The following MYOF variants were observed in gnomAD, a reference collection of about 807,000 sequenced individuals.
The protein encoded by MYOF is myoferlin.
MYOF carries 244 observed loss-of-function variants against 284.2 expected under a neutral mutation model. That is an observed-to-expected ratio of 0.86 (90% CI 0.77 to 0.95). The LOEUF is 0.95. Among genes scored for constraint, MYOF ranks in the 40% least tolerant of loss-of-function variants. MYOF has a pLI of 0.00. For synonymous variants in MYOF, 904 were observed against 919.7 expected, an observed-to-expected ratio of 0.98 and a Z score of 0.31; for missense variants, 2,496 against 2,560.6, an observed-to-expected ratio of 0.97 and a Z score of 0.54.
In MYOF at chr10:93,443,470, C is replaced by CTGTG. The variant is rs1468637478; in HGVS notation, c.236+8579_236+8580insCACA. 3.7e-3 allele frequency among the ~76,000 whole-genome samples: 436 copies of CTGTG among 117,890 alleles called. 5 individuals carry two copies. In the East Asian group the frequency reaches 0.075, roughly 20 times the overall value. The allele number at this position is 117,890 out of a possible 152,430, so 77.3% of individuals were successfully genotyped here. On this transcript the variant is annotated intron_variant, in intron 3 of 53. Transcript: ENST00000359263. ...CTTTCTTCTCTCTCTCTCTCTCTCT[C>CTGTG]TCTGTGTGTGTGTGTGTGTGTGTGT... is the stretch of plus-strand genomic sequence containing the variant.
intron 52 of MYOF, 85 bp from the exon 53 acceptor site, chr10:93,310,252 A>G (rs1289294657): frequency 6.7e-7 from 1 of 1,501,584 alleles, no homozygotes; most frequent in Non-Finnish European, 9.1e-7. Context: ...TTCAGGAATA[A>G]AGAATCACAT....
intron 19 of MYOF, among the ~76,000 whole-genome samples, chr10:93,382,407 A>G (rs1434420755): frequency 6.6e-6 from 1 of 152,180 alleles, no homozygotes; most frequent in Non-Finnish European, 1.5e-5. Context: ...TAAACTATTG[A>G]TTTTCTAATC....
At chr10:93,307,915 G>A (rs1199503612) in intron 53 of MYOF, among the ~76,000 whole-genome samples, 1 of 150,986 alleles carries the variant, frequency 6.6e-6, no homozygotes, top group African/African-American at 2.4e-5. Context: ...GTGAGCCACT[G>A]TACCCGGCTG....
At chr10:93,390,508 A>C (rs1337404730) in intron 17 of MYOF, among the ~76,000 whole-genome samples, 1 of 152,234 alleles carries the variant, frequency 6.6e-6, no homozygotes, top group Non-Finnish European at 1.5e-5. Flanking sequence ...AAACACAAAG[A>C]GGGACCAACA....
intron 22 of MYOF, among the ~76,000 whole-genome samples, chr10:93,375,960 C>T (rs1029857056): frequency 2.6e-5 from 4 of 152,170 alleles, no homozygotes; most frequent in Non-Finnish European, 2.9e-5. Context: ...ACCAGGTTCA[C>T]GAAGCTCTGA....
At chr10:93,461,026 C>G (rs573331721) in intron 1 of MYOF, among the ~76,000 whole-genome samples, 1 of 152,044 alleles carries the variant, frequency 6.6e-6, no homozygotes, top group Non-Finnish European at 1.5e-5. Context: ...ACCTGGGAGG[C>G]GGAAGTTGCA....
rs1842329797 is a variant in MYOF, at chr10:93,310,448, G to T, written c.5999+86C>A. 1.2e-5 allele frequency: 16 copies of T among 1,351,006 alleles called. 1 individual carries two copies. Among genetic ancestry groups the T allele is most frequent in the Non-Finnish European group, 1.7e-5 (16 of 958,314 alleles). The allele number at this position is 1,351,006 out of a possible 1,614,324, so 83.7% of individuals were successfully genotyped here. On this transcript the variant is annotated intron_variant, in intron 52 of 53. Coordinates refer to ENST00000359263, the MANE Select transcript of MYOF (RefSeq NM_013451.4). ...ATACCAGATTAGGAGGACCACAAAA[G>T]CTAATCCATCCCATTAAGCCAATGG...
At chr10:93,374,614 C>T in intron 23 of MYOF, 149 bp downstream of exon 23, 1 of 720,388 alleles carries the variant, frequency 1.4e-6, no homozygotes, top group East Asian at 2.8e-5. Context: ...ATCCTCAGCC[C>T]AGTTACTCCC....
intron 5 of MYOF, among the ~76,000 whole-genome samples, chr10:93,410,864 G>A (rs1301416671): frequency 6.6e-6 from 1 of 152,180 alleles, no homozygotes; most frequent in Non-Finnish European, 1.5e-5. Context: ...GTATGAATGA[G>A]TTTCATCAGA....
chr10:93,311,186 T>A (rs542033474), intron 51 of MYOF, among the ~76,000 whole-genome samples: 1 of 152,268 alleles, frequency 6.6e-6, no homozygotes, highest in Non-Finnish European at 1.5e-5. Context: ...CTGAGTGATG[T>A]TCCCAGCACC....
intron 31 of MYOF, 46 bp downstream of exon 31, chr10:93,355,582 A>AAAAAT (rs5787054): frequency 0.34 from 468,790 of 1,377,884 alleles, 89,877 homozygotes; most frequent in Non-Finnish European, 0.38. Flanking sequence ...TCAGTCTTGA[A>AAAAAT]AAAATAAAAT....
chr10:93,413,513 T>C (rs998131944), intron 5 of MYOF, among the ~76,000 whole-genome samples: 13 of 152,222 alleles, frequency 8.5e-5, no homozygotes, highest in Non-Finnish European at 1.6e-4. Context: ...CAGGCCCTGT[T>C]CGTGAGACCC....
At chr10:93,383,185 C>T (rs898316179) in intron 19 of MYOF, among the ~76,000 whole-genome samples, 1 of 152,176 alleles carries the variant, frequency 6.6e-6, no homozygotes, top group East Asian at 1.9e-4. Flanking sequence ...GCATGAGCCA[C>T]CGTGCCTGGC....
intron 22 of MYOF, among the ~76,000 whole-genome samples, chr10:93,376,769 G>A (rs935045961): frequency 1.3e-5 from 2 of 152,142 alleles, no homozygotes; most frequent in South Asian, 2.1e-4. Context: ...CTGTTTCCCC[G>A]AATCAGTTAT....
chr10:93,453,653 C>A (rs1437336242), intron 2 of MYOF, among the ~76,000 whole-genome samples: 2 of 152,026 alleles, frequency 1.3e-5, no homozygotes, highest in Non-Finnish European at 2.9e-5. Flanking sequence ...ATACCTGTAA[C>A]TCCAGCACTT....
At chr10:93,450,385 C>G (rs1435533464) in intron 3 of MYOF, among the ~76,000 whole-genome samples, 3 of 152,062 alleles carry the variant, frequency 2.0e-5, no homozygotes, top group Non-Finnish European at 4.4e-5. Context: ...GAGCAAGACT[C>G]CATCTCAAAA....
At chr10:93,378,644 T>C (rs189498083) in intron 21 of MYOF, among the ~76,000 whole-genome samples, 89 of 147,272 alleles carry the variant, frequency 6.0e-4, no homozygotes, top group Non-Finnish European at 8.6e-4. Flanking sequence ...CACTACCTGA[T>C]AGGAGTAACT....
In MYOF at chr10:93,397,302, A is replaced by G. The variant is rs1322224091; in HGVS notation, c.1291-12T>C. On this transcript the variant is annotated splice_polypyrimidine_tract_variant and intron_variant, in intron 14 of 53. Transcript: ENST00000359263. ...CACACTGAAGGAAACTAAAAAAATG[A>G]GACAGAAAAAAGTAGTTATTTCTCA... 2.5e-6 allele frequency: 4 copies of G among 1,601,224 alleles called. No individual in the cohort carries two copies. The highest frequency in any genetic ancestry group is 3.4e-6 in the Non-Finnish European group (4 of 1,171,408).
At chr10:93,357,901 G>A (rs754455585) in intron 29 of MYOF, among the ~76,000 whole-genome samples, 22 of 152,150 alleles carry the variant, frequency 1.4e-4, no homozygotes, top group Non-Finnish European at 3.1e-4. Flanking sequence ...GAGCGTTCAA[G>A]CACCTTCAGA....
Sources: allele counts gnomAD v4.1 joint callset (sites outside exome capture counted in the v4.1 genomes callset), GRCh38; gene constraint gnomAD v4.1.1; transcripts MANE v1.5; gene names NCBI Gene and HGNC (gene_info 2026-07-23, HGNC 2026-07-21).